Variants in SOCS6 observed in about 807,000 individuals in gnomAD.
SOCS6 encodes the protein STAT induced STAT inhibitor-4.
Under a neutral mutation model 27.7 loss-of-function variants are expected in SOCS6, and 5 were observed. That is an observed-to-expected ratio of 0.18 (90% CI 0.09 to 0.38). The LOEUF is 0.38. Among genes scored for constraint, SOCS6 ranks in the 10% least tolerant of loss-of-function variants. The probability of loss-of-function intolerance (pLI) is 1.00; values close to 1 mark genes in which losing one functional copy is unlikely to be tolerated. For synonymous variants in SOCS6, 271 were observed against 260.0 expected (o/e 1.04, Z -0.41); for missense variants, 595 against 688.1 (o/e 0.86, Z 1.51).
chr18:70,307,620 A>G (rs2062374755), intron 1 of SOCS6, among the ~76,000 whole-genome samples: 1 of 151,936 alleles, frequency 6.6e-6, no homozygotes, highest in African/African-American at 2.4e-5. Context: ...AAGTTTTCTA[A>G]TTTGTTGGTA....
rs543771278 is a variant in SOCS6 at position 70,304,078 on chromosome 18, A to G, written c.-127+14988A>G. Among the ~76,000 whole-genome samples the G allele has an allele frequency of 1.2e-4, 19 of 152,340 alleles. No homozygotes were observed. In the South Asian group the frequency reaches 2.9e-3, roughly 23 times the overall value. Reference sequence around the variant, plus strand: ...TTCTTTACAGCAAATACAGGAGGATATATGATCTCAATGTCAGATGAATTT... The same window carrying G: ...TTCTTTACAGCAAATACAGGAGGATGTATGATCTCAATGTCAGATGAATTT... On this transcript the variant is annotated intron_variant, in intron 1 of 1. Transcript: ENST00000397942.
At position 70,324,527 on chromosome 18, in the gene SOCS6, T is replaced by C; in HGVS notation, c.-126-16T>C. On this transcript the variant is annotated splice_polypyrimidine_tract_variant and intron_variant, in intron 1 of 1. Transcript: ENST00000397942. Reference sequence around the variant, plus strand: ...ATATTTTTTAATATGACTCTTTTTATATTTTTATTTTTTAGAAAATGGCTC... The same window carrying C: ...ATATTTTTTAATATGACTCTTTTTACATTTTTATTTTTTAGAAAATGGCTC... 1.7e-6 allele frequency: 1 copy of C among 603,600 alleles called. No homozygotes were observed. Among genetic ancestry groups the C allele is most frequent in the East Asian group, 2.9e-5 (1 of 34,220 alleles). The allele number at this position is 603,600 out of a possible 1,614,324, so 37.4% of individuals were successfully genotyped here.
rs868779176 is a variant in SOCS6, at chr18:70,327,225, C to T, written c.*949C>T. Reference sequence around the variant, plus strand: ...CATTTTCTTGGGTGAACTTGATTGTCAACTAATTTTCATAAATGGACTGGA... The same window carrying T: ...CATTTTCTTGGGTGAACTTGATTGTTAACTAATTTTCATAAATGGACTGGA... On this transcript the variant is annotated 3_prime_UTR_variant, in exon 2 of 2. Coordinates refer to ENST00000397942, the MANE Select transcript of SOCS6 (RefSeq NM_004232.4). 1 of 166,834 alleles carries T rather than the reference C, an allele frequency of 6.0e-6. No individual in the cohort carries two copies. Among genetic ancestry groups the T allele is most frequent in the Non-Finnish European group, 1.5e-5 (1 of 68,058 alleles). The allele number at this position is 166,834 out of a possible 1,614,324, so 10.3% of individuals were successfully genotyped here.
intron 1 of SOCS6, among the ~76,000 whole-genome samples, chr18:70,317,500 A>G (rs1281404381): frequency 1.4e-5 from 2 of 140,898 alleles, no homozygotes; most frequent in African/African-American, 5.7e-5. Flanking sequence ...ATACACATAT[A>G]TACATACATA....
intron 1 of SOCS6, among the ~76,000 whole-genome samples, chr18:70,298,701 A>G (rs1032136309): frequency 6.6e-6 from 1 of 152,162 alleles, no homozygotes; most frequent in Non-Finnish European, 1.5e-5. Flanking sequence ...TACCTATATT[A>G]ATTTGTTGAA....
intron 1 of SOCS6, among the ~76,000 whole-genome samples, chr18:70,313,867 G>A (rs191397872): frequency 2.0e-3 from 308 of 152,238 alleles, no homozygotes; most frequent in Non-Finnish European, 3.8e-3. Context: ...TCTTGAAAAA[G>A]CATTATTGAT....
intron 1 of SOCS6, among the ~76,000 whole-genome samples, chr18:70,315,965 G>T (rs2062409693): frequency 6.6e-6 from 1 of 151,928 alleles, no homozygotes; most frequent in African/African-American, 2.4e-5. Context: ...CCGTCTCCTG[G>T]GTTTAAGCGA....
At chr18:70,299,597 T>A (rs2062339435) in intron 1 of SOCS6, among the ~76,000 whole-genome samples, 1 of 152,198 alleles carries the variant, frequency 6.6e-6, no homozygotes, top group Non-Finnish European at 1.5e-5. Flanking sequence ...CTCTAGGCAC[T>A]GGGTCTCTGG....
At chr18:70,323,861 G>A (rs1024085887) in intron 1 of SOCS6, among the ~76,000 whole-genome samples, 8 of 152,188 alleles carry the variant, frequency 5.3e-5, no homozygotes, top group East Asian at 3.8e-4. Context: ...GGCAGGCAGC[G>A]GAGGAGCAGT....
At chr18:70,307,866 A>G (rs2062375828) in intron 1 of SOCS6, among the ~76,000 whole-genome samples, 1 of 151,880 alleles carries the variant, frequency 6.6e-6, no homozygotes, top group Admixed American at 6.6e-5. Context: ...TCTAACATTT[A>G]CTATTTTATT....
intron 1 of SOCS6, among the ~76,000 whole-genome samples, chr18:70,295,259 G>T (rs1195200049): frequency 6.6e-6 from 1 of 152,220 alleles, no homozygotes; most frequent in African/African-American, 2.4e-5. Flanking sequence ...ATAGTTCAGT[G>T]TTAATCTTTA....
At chr18:70,290,382 C>T (rs2062293304) in intron 1 of SOCS6, among the ~76,000 whole-genome samples, 2 of 152,176 alleles carry the variant, frequency 1.3e-5, no homozygotes, top group Non-Finnish European at 2.9e-5. Flanking sequence ...CTTGAATGAA[C>T]GAATCTTAAT....
At chr18:70,323,721 A>G (rs1911072246) in intron 1 of SOCS6, among the ~76,000 whole-genome samples, 1 of 152,198 alleles carries the variant, frequency 6.6e-6, no homozygotes, top group Middle Eastern at 3.2e-3. Flanking sequence ...ACAGATAATG[A>G]AATTCTTTTT....
At chr18:70,314,889 CTA>C (rs2062405523) in intron 1 of SOCS6, among the ~76,000 whole-genome samples, 1 of 146,864 alleles carries the variant, frequency 6.8e-6, no homozygotes, top group East Asian at 2.0e-4. Flanking sequence ...ATATATATGT[CTA>C]TTCCTATTTT....
intron 1 of SOCS6, among the ~76,000 whole-genome samples, chr18:70,323,069 G>A (rs1000512911): frequency 6.6e-6 from 1 of 152,210 alleles, no homozygotes; most frequent in African/African-American, 2.4e-5. Context: ...AGGCCGAGTA[G>A]GGGCTTAGTA....
chr18:70,308,752 C>T (rs1185313562), intron 1 of SOCS6, among the ~76,000 whole-genome samples: 1 of 152,140 alleles, frequency 6.6e-6, no homozygotes, highest in Non-Finnish European at 1.5e-5. Flanking sequence ...TTGTTAAGTG[C>T]ATATGTGTTT....
chr18:70,329,493 T>C lies in SOCS6; in HGVS notation c.*3217T>C, dbSNP rs1911337025. 6.0e-6 allele frequency: 1 copy of C among 167,148 alleles called. No homozygotes were observed. Among genetic ancestry groups the C allele is most frequent in the Non-Finnish European group, 1.5e-5 (1 of 68,128 alleles). The allele number at this position is 167,148 out of a possible 1,614,324, so 10.4% of individuals were successfully genotyped here. ...GTCTAAAATATCTTTGTAACAATGC[T>C]TTCAGAAATGCCAGTTTTAATTACA... On this transcript the variant is annotated 3_prime_UTR_variant, in exon 2 of 2. Coordinates refer to ENST00000397942, the MANE Select transcript of SOCS6 (RefSeq NM_004232.4).
intron 1 of SOCS6, among the ~76,000 whole-genome samples, chr18:70,297,179 C>T (rs1341534739): frequency 6.6e-6 from 1 of 152,054 alleles, no homozygotes. Context: ...TTTTCTCAGG[C>T]TGGTTTTTCG....
rs373053671 is a variant in SOCS6, at chr18:70,324,641, G to C, written c.-28G>C. The C allele has an allele frequency of 1.4e-6, 2 of 1,425,062 alleles. No individual in the cohort carries two copies. The highest frequency in any genetic ancestry group is 1.3e-5 in the South Asian group (1 of 75,462). 88.3% of individuals were successfully genotyped at this position (1,425,062 alleles called of 1,614,324 possible). ...GGATAATATTCCAGATAGAAATATT[G>C]ATCCCTTGGATTAGGTAACTAGTCA... On this transcript the variant is annotated 5_prime_UTR_variant, in exon 2 of 2. Coordinates refer to ENST00000397942, the MANE Select transcript of SOCS6 (RefSeq NM_004232.4).
Sources: allele counts gnomAD v4.1 joint callset (sites outside exome capture counted in the v4.1 genomes callset), GRCh38; gene constraint gnomAD v4.1.1; transcripts MANE v1.5; gene names NCBI Gene and HGNC (gene_info 2026-07-23, HGNC 2026-07-21).